The following RHAG variants were observed in gnomAD, a reference collection of about 807,000 sequenced individuals.
The protein encoded by RHAG is ammonium transporter Rh type A.
Under a neutral mutation model 42.4 loss-of-function variants are expected in RHAG, and 25 were observed. The ratio of observed to expected loss-of-function variants is 0.59; its 90% CI spans 0.43 to 0.82. The LOEUF is 0.82. Among genes scored for constraint, RHAG ranks in the 40% least tolerant of loss-of-function variants. RHAG has a pLI of 0.00. For synonymous variants in RHAG, 182 were observed against 177.7 expected, an observed-to-expected ratio of 1.02 and a Z score of -0.19; for missense variants, 483 against 504.6, an observed-to-expected ratio of 0.96 and a Z score of 0.41.
chr6:49,628,161 CAGAG>C lies in RHAG; in HGVS notation c.157+8491_157+8494del, dbSNP rs60784215. 1.5e-3 allele frequency among the ~76,000 whole-genome samples: 215 copies of C among 140,128 alleles called. 1 individual carries two copies. The highest frequency in any genetic ancestry group is 9.8e-3 in the East Asian group (48 of 4,874). The allele number at this position is 140,128 out of a possible 152,430, so 91.9% of individuals were successfully genotyped here. A position where few individuals can be genotyped will look rare whatever the true frequency, so the allele number is the denominator to read the frequency against. Reference sequence around the variant, plus strand: ...ACACACACACACACACACACACACACAGAGAGAGAGAGAGAGACAGGGTCTTGCT... The same window carrying C: ...ACACACACACACACACACACACACACAGAGAGAGAGAGACAGGGTCTTGCT... On this transcript the variant is annotated intron_variant, in intron 1 of 9. Transcript: ENST00000371175.
chr6:49,623,379 C>T (rs1396388616), intron 1 of RHAG, among the ~76,000 whole-genome samples: 1 of 152,060 alleles, frequency 6.6e-6, no homozygotes, highest in Non-Finnish European at 1.5e-5. Context: ...TATCATTTAT[C>T]CTGCTTTAAG....
chr6:49,614,999 G>A (rs1762630355), intron 4 of RHAG, 146 bp from the exon 5 acceptor site: 2 of 761,506 alleles, frequency 2.6e-6, no homozygotes, highest in Admixed American at 4.5e-5. Context: ...CCAGGCTGGA[G>A]TGCAGTGGCT....
Position 49,615,142 on chromosome 6 carries a change from G to A in RHAG, c.641-289C>T. 8.7e-6 allele frequency: 3 copies of A among 343,936 alleles called. No homozygotes were observed. The East Asian group carries it at 2.1e-4, about 24-fold the overall frequency. The allele number at this position is 343,936 out of a possible 1,614,324, so 21.3% of individuals were successfully genotyped here. A position where few individuals can be genotyped will look rare whatever the true frequency, so the allele number is the denominator to read the frequency against. ...TTTTTTTGTATTTTTAGTAGAGACG[G>A]GGTTTCAGCATGTTGGTCAGGCTGG... On this transcript the variant is annotated intron_variant, in intron 4 of 9. Coordinates refer to ENST00000371175, the MANE Select transcript of RHAG (RefSeq NM_000324.3).
At chr6:49,629,644 GGGGTGGGGGGCTCAGGCATGGC>G (rs1404963888) in intron 1 of RHAG, among the ~76,000 whole-genome samples, 8 of 152,262 alleles carry the variant, frequency 5.3e-5, no homozygotes, top group Middle Eastern at 3.4e-3. Context: ...GCCCATGGAG[GGGGTGGGGGGCTCAGGCATGGC>G]GGGCTGCAGG....
At chr6:49,617,548 TACAA>T (rs1217921498) in intron 3 of RHAG, among the ~76,000 whole-genome samples, 1 of 152,192 alleles carries the variant, frequency 6.6e-6, no homozygotes, top group African/African-American at 2.4e-5. Flanking sequence ...TTAATAGAAA[TACAA>T]ACAAAGTAAC....
intron 1 of RHAG, among the ~76,000 whole-genome samples, chr6:49,628,298 A>T (rs1000527437): frequency 2.5e-4 from 38 of 151,932 alleles, no homozygotes; most frequent in Admixed American, 2.3e-3. Context: ...ACACTACCAC[A>T]CTCAGCTAAT....
chr6:49,608,297 CT>C, intron 7 of RHAG, among the ~76,000 whole-genome samples: 1 of 152,206 alleles, frequency 6.6e-6, no homozygotes, highest in South Asian at 2.1e-4. Flanking sequence ...GTGAGAACAT[CT>C]CCTCTGAACA....
intron 6 of RHAG, 128 bp downstream of exon 6, chr6:49,612,269 A>G: frequency 9.7e-7 from 1 of 1,034,270 alleles, no homozygotes; most frequent in Non-Finnish European, 1.5e-6. Flanking sequence ...ATTTCCAAAA[A>G]GAAGGCAAAT....
At chr6:49,614,920 C>T in intron 4 of RHAG, 67 bp from the exon 5 acceptor site, 1 of 1,398,172 alleles carries the variant, frequency 7.2e-7, no homozygotes. Context: ...ATGCAGTTTG[C>T]TTTATTTATT....
intron 8 of RHAG, 91 bp from the exon 9 acceptor site, chr6:49,607,012 CCCT>C: frequency 1.7e-6 from 2 of 1,199,394 alleles, no homozygotes; most frequent in South Asian, 2.5e-5. Flanking sequence ...TAAAATCATC[CCCT>C]TTAAATGACA....
intron 1 of RHAG, among the ~76,000 whole-genome samples, chr6:49,624,266 C>T (rs769892931): frequency 1.1e-4 from 16 of 152,178 alleles, no homozygotes; most frequent in South Asian, 2.1e-4. Context: ...AGTGCAGTGG[C>T]GCAATCTCGG....
chr6:49,624,307 G>A (rs1762808299), intron 1 of RHAG, among the ~76,000 whole-genome samples: 2 of 152,314 alleles, frequency 1.3e-5, no homozygotes, highest in South Asian at 4.1e-4. Flanking sequence ...CTGGGTTCAA[G>A]TGATTCTCCT....
intron 5 of RHAG, 118 bp downstream of exon 5, chr6:49,614,569 G>A (rs1010277915): frequency 3.5e-6 from 3 of 869,148 alleles, no homozygotes; most frequent in Non-Finnish European, 3.9e-6. Context: ...CATTCTACAA[G>A]GTCTGCTTCT....
Position 49,619,318 on chromosome 6 carries a change from G to GGAA in RHAG, c.199_201dup (p.Phe67dup). 6.2e-7 allele frequency: 1 copy of GGAA among 1,614,020 alleles called. No homozygotes were observed. Among genetic ancestry groups the GGAA allele is most frequent in the Non-Finnish European group, 8.5e-7 (1 of 1,180,012 alleles). ...CCATATTTCTTCAGGAAGGTCATGA[G>GGAA]GAAGCCAAACCCAACAAATATCATA... On this transcript the variant is annotated inframe_insertion, in exon 2 of 10. Transcript: ENST00000371175.
intron 5 of RHAG, among the ~76,000 whole-genome samples, chr6:49,612,903 A>G (rs1317211736): frequency 6.6e-6 from 1 of 152,190 alleles, no homozygotes; most frequent in Non-Finnish European, 1.5e-5. Context: ...GGTTATCATG[A>G]ACCAAAAGAT....
chr6:49,607,286 C>G (rs940251865), intron 7 of RHAG, 66 bp from the exon 8 acceptor site: 1 of 1,298,972 alleles, frequency 7.7e-7, no homozygotes, highest in African/African-American at 1.5e-5. Context: ...GTCTCACTCA[C>G]TGAGGGTGTG....
chr6:49,630,814 A>T (rs947310978), intron 1 of RHAG, among the ~76,000 whole-genome samples: 3 of 152,202 alleles, frequency 2.0e-5, no homozygotes, highest in African/African-American at 7.2e-5. Flanking sequence ...AATATGACCT[A>T]ACATAGAATT....
rs1204933827 is a variant in RHAG at position 49,605,729 on chromosome 6, A to T, written c.*84T>A. 1 of 1,239,784 alleles carries T rather than the reference A, an allele frequency of 8.1e-7. No homozygotes were observed. The highest frequency in any genetic ancestry group is 1.7e-5 in the Admixed American group (1 of 59,430). 76.8% of individuals were successfully genotyped at this position (1,239,784 alleles called of 1,614,324 possible). On this transcript the variant is annotated 3_prime_UTR_variant, in exon 10 of 10. Coordinates refer to ENST00000371175, the MANE Select transcript of RHAG (RefSeq NM_000324.3). ...TTGGACTTGATTCTGGATAATGGGA[A>T]AGGAAGCTGGAGAGCAGGAATGGTG...
chr6:49,635,770 A>C (rs1763001817), intron 1 of RHAG, among the ~76,000 whole-genome samples: 1 of 152,178 alleles, frequency 6.6e-6, no homozygotes, highest in South Asian at 2.1e-4. Context: ...GAATAAAAAA[A>C]AGGGTGTCAA....
Sources: allele counts gnomAD v4.1 joint callset (sites outside exome capture counted in the v4.1 genomes callset), GRCh38; gene constraint gnomAD v4.1.1; transcripts MANE v1.5; gene names NCBI Gene and HGNC (gene_info 2026-07-23, HGNC 2026-07-21).